Variants in CPLANE2 observed in about 807,000 individuals in gnomAD.
The protein encoded by CPLANE2 is ciliogenesis and planar polarity effector complex subunit 2, also known as ciliogenesis and planar polarity effector 2.
A neutral mutation model predicts 20.9 loss-of-function variants in CPLANE2; 24 were observed. The observed-to-expected ratio is 1.15, with a 90% CI of 0.83 to 1.61. The LOEUF (loss-of-function observed/expected upper bound fraction) is 1.61, where lower values mean the gene tolerates loss of function less well. CPLANE2 is among the 40% of genes most tolerant of loss of function. The probability of loss-of-function intolerance (pLI) is 0.00; values close to 1 mark genes in which losing one functional copy is unlikely to be tolerated. For synonymous variants in CPLANE2, 132 were observed against 144.3 expected (o/e 0.92, Z 0.61); for missense variants, 330 against 355.1 (o/e 0.93, Z 0.57).
Position 16,236,680 on chromosome 1 carries a change from G to C in CPLANE2, c.63C>G (p.Gly21=). 6.4e-7 allele frequency: 1 copy of C among 1,563,078 alleles called. No individual in the cohort carries two copies. The change falls in exon 1 of 5, where the codon GGC becomes GGG. Residue 21 remains glycine (G), a synonymous_variant. Transcript: ENST00000375599. ...GCAGAATGCAAGCCAGGTACTCCTTGCCCTCGGCACTCTCGTGCCAGTTTG... is the reference window on the plus strand; with the variant it reads ...GCAGAATGCAAGCCAGGTACTCCTTCCCCTCGGCACTCTCGTGCCAGTTTG... ...VVPNWHESAE[G]KEYLACILRK...
chr1:16,236,577 C>G (rs2081466941), intron 1 of CPLANE2, 54 bp downstream of exon 1: 2 of 1,382,046 alleles, frequency 1.4e-6, no homozygotes, highest in Non-Finnish European at 2.0e-6. Context: ...AGGTGACACT[C>G]TTCTCCCCAG....
chr1:16,233,120 T>G (rs1382074723), intron 2 of CPLANE2, 103 bp from the exon 3 acceptor site: 5 of 1,341,774 alleles, frequency 3.7e-6, no homozygotes, highest in Non-Finnish European at 4.2e-6. Flanking sequence ...CCTGCCCTGA[T>G]GGGTCCCTAG....
intron 1 of CPLANE2, among the ~76,000 whole-genome samples, chr1:16,235,716 T>G (rs1465503567): frequency 6.6e-6 from 1 of 150,386 alleles, no homozygotes; most frequent in Non-Finnish European, 1.5e-5. Context: ...GTTTCACTCT[T>G]GTCACCCAGG....
rs2081465777 is a variant in CPLANE2 at position 16,236,360 on chromosome 1, A to G, written c.112+271T>C. Among the ~76,000 whole-genome samples, 5 of 152,362 alleles carry G rather than the reference A, an allele frequency of 3.3e-5. No individual in the cohort carries two copies. In the South Asian group the frequency reaches 1.0e-3, roughly 32 times the overall value. ...GGGCCTGGCACCAGGGGAGTGCTCA[A>G]TCAACTGCATCTCTGGTGACAGTGG... On this transcript the variant is annotated intron_variant, in intron 1 of 4. Transcript: ENST00000375599.
chr1:16,233,956 T>C (rs950597215), intron 1 of CPLANE2, among the ~76,000 whole-genome samples, 192 bp from the exon 2 acceptor site: 2 of 152,204 alleles, frequency 1.3e-5, no homozygotes, highest in African/African-American at 4.8e-5. Flanking sequence ...TAAAAGCCAG[T>C]TTGGGCGCCT....
chr1:16,233,894 C>G, intron 1 of CPLANE2, 130 bp from the exon 2 acceptor site: 1 of 950,120 alleles, frequency 1.1e-6, no homozygotes, highest in Non-Finnish European at 1.6e-6. Flanking sequence ...ACAAGGTGAT[C>G]AGCTGCCCTC....
rs767466101 is a variant in CPLANE2 at position 16,231,932 on chromosome 1, C to A, written c.*116G>T. ...GTGGGCCTTCTCTGGCCACATCCTC[C>A]CTGATCAGGCCATGCTGGCCAGTCC... is the stretch of plus-strand genomic sequence containing the variant. On this transcript the variant is annotated 3_prime_UTR_variant, in exon 5 of 5. Transcript: ENST00000375599. The A allele has an allele frequency of 2.1e-6, 3 of 1,438,608 alleles. No homozygotes were observed. The highest frequency in any genetic ancestry group is 2.8e-6 in the Non-Finnish European group (3 of 1,061,648). The allele number at this position is 1,438,608 out of a possible 1,614,324, so 89.1% of individuals were successfully genotyped here. A position where few individuals can be genotyped will look rare whatever the true frequency, so the allele number is the denominator to read the frequency against.
At chr1:16,233,144 GCA>G in intron 2 of CPLANE2, 127 bp from the exon 3 acceptor site, 1 of 1,056,926 alleles carries the variant, frequency 9.5e-7, no homozygotes, top group Non-Finnish European at 1.4e-6. Context: ...GATGAGGGAG[GCA>G]CAGTCCTTGA....
intron 2 of CPLANE2, 89 bp from the exon 3 acceptor site, chr1:16,233,106 C>T (rs1056683174): frequency 2.6e-5 from 37 of 1,448,330 alleles, no homozygotes; most frequent in South Asian, 2.3e-4. Flanking sequence ...AGAAGAGATA[C>T]ATCCCTGCCC....
intron 2 of CPLANE2, among the ~76,000 whole-genome samples, chr1:16,233,401 AG>A (rs2081439957): frequency 6.6e-6 from 1 of 152,230 alleles, no homozygotes; most frequent in Non-Finnish European, 1.5e-5. Flanking sequence ...GCTTGATGCT[AG>A]GCATGTTACC....
At position 16,233,025 on chromosome 1, in the gene CPLANE2, G is replaced by T; in HGVS notation, c.266-8C>A. ...CCACGGTGGTCTGGATGCCTGAGGG[G>T]GAGCCAGGGTCAGCCACTCACCATG... On this transcript the variant is annotated splice_region_variant and splice_polypyrimidine_tract_variant and intron_variant, in intron 2 of 4. Transcript: ENST00000375599. 3 of 1,614,126 alleles carry T rather than the reference G, an allele frequency of 1.9e-6. No homozygotes were observed. Among genetic ancestry groups the T allele is most frequent in the South Asian group, 1.1e-5 (1 of 91,080 alleles).
Position 16,232,056 on chromosome 1 carries a change from G to C in CPLANE2, c.769C>G (p.Pro257Ala), listed in dbSNP as rs769928556. The C allele has an allele frequency of 2.5e-6, 4 of 1,612,608 alleles. 1 individual carries two copies. The highest frequency in any genetic ancestry group is 3.4e-6 in the Non-Finnish European group (4 of 1,179,630). ...GLLPNPPESA[P>A]E ...AGGCAACCACTCGTGACTCATTCAG[G>C]AGCACTCTCTGGGGGGTTGGGAAGC... Residue 257 changes from proline to alanine, a missense_variant, in exon 5 of 5, where the codon CCT (proline) becomes GCT (alanine). Coordinates refer to ENST00000375599, the MANE Select transcript of CPLANE2 (RefSeq NM_030907.4).
Position 16,233,760 on chromosome 1 carries a change from C to A in CPLANE2, c.117G>T (p.Leu39=), listed in dbSNP as rs1191460420. 4.3e-6 allele frequency: 7 copies of A among 1,613,942 alleles called. No individual in the cohort carries two copies. Among genetic ancestry groups the A allele is most frequent in the Non-Finnish European group, 5.9e-6 (7 of 1,179,974 alleles). The change falls in exon 2 of 5, where the codon CTG becomes CTT. Residue 39 remains leucine (L), a synonymous_variant. Coordinates refer to ENST00000375599, the MANE Select transcript of CPLANE2 (RefSeq NM_030907.4). ...LRKNRRRVFG[L]LERPVLLPPV... ...GCGGCAGCAGCACTGGCCGCTCAAG[C>A]AGCCCTAGGGCAAAGAGAGAGCCAG...
intron 1 of CPLANE2, among the ~76,000 whole-genome samples, chr1:16,234,170 C>T (rs902871028): frequency 3.3e-5 from 5 of 152,128 alleles, no homozygotes; most frequent in African/African-American, 9.6e-5. Context: ...GAGGCCAAGG[C>T]GGGCAGATCA....
chr1:16,232,628 C>CA lies in CPLANE2; in HGVS notation c.408_409insT (p.Asp137Ter). On this transcript the variant is annotated frameshift_variant, in exon 4 of 5. Coordinates refer to ENST00000375599, the MANE Select transcript of CPLANE2 (RefSeq NM_030907.4). LOFTEE classifies it high-confidence loss of function. ...AAGGAGAAGAGGAAGAGGAAGGCATCTGTGTTCTCCATGCAAGCCTGGTGA... is the reference window on the plus strand; with the variant it reads ...AAGGAGAAGAGGAAGAGGAAGGCATCATGTGTTCTCCATGCAAGCCTGGTGA... The CA allele has an allele frequency of 1.9e-6, 3 of 1,614,092 alleles. No homozygotes were observed. The highest frequency in any genetic ancestry group is 2.5e-6 in the Non-Finnish European group (3 of 1,180,016).
Position 16,231,847 on chromosome 1 carries a change from C to G in CPLANE2, c.*201G>C. On this transcript the variant is annotated 3_prime_UTR_variant, in exon 5 of 5. Transcript: ENST00000375599. ...GGAAAGGCCACGGGAGATGTTCGAG[C>G]TCAGGGCCTTGGTCCCCACCTCCCT... 1.4e-6 allele frequency: 1 copy of G among 712,846 alleles called. No homozygotes were observed. Among genetic ancestry groups the G allele is most frequent in the Non-Finnish European group, 2.3e-6 (1 of 442,732 alleles). The allele number at this position is 712,846 out of a possible 1,614,324, so 44.2% of individuals were successfully genotyped here.
In CPLANE2 at chr1:16,232,080, G is replaced by A. The variant is rs768436972; in HGVS notation, c.745C>T (p.Leu249Phe). The change falls in exon 5 of 5, where the codon CTT (leucine) becomes TTT (phenylalanine). Residue 249 changes from leucine (L) to phenylalanine (F), a missense_variant. By Grantham distance (22) the Leu-to-Phe change is conservative (BLOSUM62 0). Coordinates refer to ENST00000375599, the MANE Select transcript of CPLANE2 (RefSeq NM_030907.4). ...GGAGCACTCTCTGGGGGGTTGGGAA[G>A]CAGGCCAGCCGCCACCTGGTCCTGG... ...WHQDQVAAGL[L>F]PNPPESAPE The A allele has an allele frequency of 1.2e-6, 2 of 1,613,300 alleles. No homozygotes were observed. The highest frequency in any genetic ancestry group is 4.5e-5 in the East Asian group (2 of 44,878).
intron 4 of CPLANE2, 60 bp downstream of exon 4, chr1:16,232,450 G>A (rs1218199554): frequency 1.9e-6 from 3 of 1,592,164 alleles, no homozygotes; most frequent in Non-Finnish European, 1.7e-6. Flanking sequence ...CCATGCCTGG[G>A]CAGAGGCTGG....
chr1:16,232,388 G>T, intron 4 of CPLANE2, 91 bp from the exon 5 acceptor site: 1 of 1,529,458 alleles, frequency 6.5e-7, no homozygotes, highest in Non-Finnish European at 8.8e-7. Context: ...CCACACCCAG[G>T]AGCTGGGGTA....
Sources: gnomAD v4.1 joint callset for allele counts (sites outside exome capture counted in the v4.1 genomes callset) on GRCh38, gnomAD v4.1.1 for gene constraint, MANE v1.5 for transcripts, NCBI Gene and HGNC (gene_info 2026-07-23, HGNC 2026-07-21) for gene names.